DPP10: variants seen among roughly 807,000 people sequenced by gnomAD.
DPP10 encodes inactive dipeptidyl peptidase 10.
DPP10 carries 33 observed loss-of-function variants against 120.9 expected under a neutral mutation model. The observed-to-expected ratio is 0.27, with a 90% confidence interval of 0.21 to 0.37. DPP10 has a LOEUF of 0.37. DPP10 is among the 10% of genes least tolerant of loss of function. The pLI is 1.00. For synonymous variants in DPP10, 337 were observed against 326.1 expected (o/e 1.03, Z -0.36); for missense variants, 816 against 942.8 (o/e 0.87, Z 1.76).
chr2:115,369,405 T>C (rs914796290), intron 3 of DPP10, among the ~76,000 whole-genome samples: 6 of 152,108 alleles, frequency 3.9e-5, no homozygotes, highest in Admixed American at 6.6e-5. Flanking sequence ...CTGTAAAAAC[T>C]TTTACACGAA....
chr2:114,896,625 G>A (rs1438413753), intron 1 of DPP10, among the ~76,000 whole-genome samples: 1 of 152,142 alleles, frequency 6.6e-6, no homozygotes, highest in African/African-American at 2.4e-5. Flanking sequence ...TCAGTTTAAG[G>A]AGATTTTGGG....
At chr2:114,445,603 G>A (rs1210788666) in intron 1 of DPP10, among the ~76,000 whole-genome samples, 1 of 149,986 alleles carries the variant, frequency 6.7e-6, no homozygotes, top group Admixed American at 6.7e-5. Flanking sequence ...TGAAGTTCAA[G>A]AAGTGATGAA....
At chr2:115,712,728 A>G (rs974340735) in intron 7 of DPP10, among the ~76,000 whole-genome samples, 13 of 151,338 alleles carry the variant, frequency 8.6e-5, no homozygotes, top group African/African-American at 1.9e-4. Flanking sequence ...ACAATAAGAT[A>G]GAAATCAAAC....
intron 5 of DPP10, among the ~76,000 whole-genome samples, chr2:115,553,937 A>G (rs955849945): frequency 6.6e-6 from 1 of 151,204 alleles, no homozygotes. Context: ...GGTGAAGTGA[A>G]TACTGGAGAG....
intron 1 of DPP10, among the ~76,000 whole-genome samples, chr2:114,712,170 A>C (rs936376256): frequency 6.6e-6 from 1 of 151,896 alleles, no homozygotes; most frequent in African/African-American, 2.4e-5. Flanking sequence ...AACTACAAAA[A>C]TCAGCTGGGC....
At chr2:115,410,250 A>G (rs1712003) in intron 3 of DPP10, among the ~76,000 whole-genome samples, 4,693 of 152,312 alleles carry the variant, frequency 0.031, 239 homozygotes, top group African/African-American at 0.11. Context: ...TCAATGATAG[A>G]CTGGATTAAG....
At chr2:115,508,205 C>A (rs1306689833) in intron 4 of DPP10, among the ~76,000 whole-genome samples, 1 of 152,104 alleles carries the variant, frequency 6.6e-6, no homozygotes, top group Non-Finnish European at 1.5e-5. Flanking sequence ...ATAAATAGAA[C>A]ATAGACATGC....
intron 1 of DPP10, among the ~76,000 whole-genome samples, chr2:114,834,821 CACACCTAT>C: frequency 6.7e-6 from 1 of 149,412 alleles, no homozygotes; most frequent in African/African-American, 2.5e-5. Flanking sequence ...GCCATGTCTA[CACACCTAT>C]GTATATATAA....
At chr2:115,715,339 C>CAAAAAAAAAAAAA (rs546857779) in intron 7 of DPP10, among the ~76,000 whole-genome samples, 5 of 67,654 alleles carry the variant, frequency 7.4e-5, no homozygotes, top group African/African-American at 2.1e-4. Context: ...AACTCCGTCT[C>CAAAAAAAAAAAAA]AAAAAAAAAA....
At chr2:115,086,423 C>T (rs1028368092) in intron 1 of DPP10, among the ~76,000 whole-genome samples, 4 of 151,504 alleles carry the variant, frequency 2.6e-5, no homozygotes, top group African/African-American at 7.3e-5. Context: ...GAGAGTTGTC[C>T]TGCCTTTCTG....
intron 4 of DPP10, among the ~76,000 whole-genome samples, chr2:115,519,351 T>G (rs961381427): frequency 2.0e-5 from 3 of 152,202 alleles, no homozygotes; most frequent in Admixed American, 6.5e-5. Context: ...CGTAGTTGTA[T>G]CATGGCATTT....
At chr2:115,088,074 GC>G (rs2104538505) in intron 1 of DPP10, among the ~76,000 whole-genome samples, 1 of 152,262 alleles carries the variant, frequency 6.6e-6, no homozygotes, top group East Asian at 1.9e-4. Context: ...TATAGATGGT[GC>G]TTTTTAGCTG....
At chr2:115,801,729 T>A (rs1559172278) in intron 19 of DPP10, among the ~76,000 whole-genome samples, 1 of 152,210 alleles carries the variant, frequency 6.6e-6, no homozygotes, top group Admixed American at 6.5e-5. Context: ...ATATGCTGGA[T>A]TACGTTTATT....
At chr2:115,043,813 T>G (rs1439685124) in intron 1 of DPP10, among the ~76,000 whole-genome samples, 1 of 152,214 alleles carries the variant, frequency 6.6e-6, no homozygotes, top group Non-Finnish European at 1.5e-5. Flanking sequence ...CTCTTTACTA[T>G]TTATACAAGG....
intron 8 of DPP10, among the ~76,000 whole-genome samples, chr2:115,737,719 A>T (rs1676740103): frequency 2.0e-5 from 3 of 152,168 alleles, no homozygotes; most frequent in Admixed American, 2.0e-4. Flanking sequence ...CAGAGAACAT[A>T]TGTCAATGCG....
intron 3 of DPP10, among the ~76,000 whole-genome samples, chr2:115,484,483 C>A (rs1347094108): frequency 1.3e-5 from 2 of 152,050 alleles, no homozygotes; most frequent in Non-Finnish European, 2.9e-5. Flanking sequence ...TAATGTACAG[C>A]ACAGGAATGA....
chr2:115,186,992 C>T (rs1396857568), intron 1 of DPP10, among the ~76,000 whole-genome samples: 3 of 141,920 alleles, frequency 2.1e-5, no homozygotes, highest in Non-Finnish European at 4.6e-5. Flanking sequence ...TCTAGCCCTA[C>T]TGAATTCAGA....
chr2:114,751,487 G>A (rs930742474), intron 1 of DPP10, among the ~76,000 whole-genome samples: 3 of 152,210 alleles, frequency 2.0e-5, no homozygotes, highest in Admixed American at 1.3e-4. Context: ...TTGCCCTGCT[G>A]TGAGAAGAAT....
chr2:114,656,807 C>T (rs1697000316), intron 1 of DPP10, among the ~76,000 whole-genome samples: 1 of 152,072 alleles, frequency 6.6e-6, no homozygotes, highest in Admixed American at 6.6e-5. Flanking sequence ...CTCAGGAGAG[C>T]TTAATTCTAT....
Sources: gnomAD v4.1 joint callset for allele counts (sites outside exome capture counted in the v4.1 genomes callset) on GRCh38, gnomAD v4.1.1 for gene constraint, MANE v1.5 for transcripts, NCBI Gene and HGNC (gene_info 2026-07-23, HGNC 2026-07-21) for gene names.